The following PRH1 variants were observed in gnomAD, a reference collection of about 807,000 sequenced individuals.
PRH1 encodes the protein proline rich protein HaeIII subfamily 1.
Under a neutral mutation model 7.9 loss-of-function variants are expected in PRH1, and 7 were observed. The ratio of observed to expected loss-of-function variants is 0.89; its 90% CI spans 0.50 to 1.67. The LOEUF (loss-of-function observed/expected upper bound fraction) is 1.67, where lower values mean the gene tolerates loss of function less well. PRH1 is among the 40% of genes most tolerant of loss of function. The probability of loss-of-function intolerance (pLI) is 0.00; values close to 1 mark genes in which losing one functional copy is unlikely to be tolerated. For missense variants in PRH1, 109 were observed against 223.6 expected, an observed-to-expected ratio of 0.49 and a Z score of 3.27; for synonymous variants, 45 against 80.8, an observed-to-expected ratio of 0.56 and a Z score of 2.38.
Position 11,003,995 on chromosome 12 carries a change from G to A in PRH1, c.-125-30274C>T, listed in dbSNP as rs188060869. ...TCAACTTTAGCTATTAAAACTCAGC[G>A]ATATATACTTGTATATGTATTCTGA... On this transcript the variant is annotated intron_variant, in intron 1 of 3. Coordinates refer to the PRH1 transcript ENST00000539853. Among the ~76,000 whole-genome samples the A allele has an allele frequency of 4.6e-5, 7 of 152,126 alleles. 1 individual carries two copies. The Middle Eastern group carries it at 0.014, about 296-fold the overall frequency.
At chr12:10,888,007 C>A (rs757943356), upstream of PRH1, among the ~76,000 whole-genome samples, 1 of 152,168 alleles carries the variant, frequency 6.6e-6, no homozygotes, top group African/African-American at 2.4e-5. Flanking sequence ...ATAGGTCTTA[C>A]TCAGTTAGAT....
At chr12:10,993,154 T>G (rs1202321324) in intron 1 of PRH1, among the ~76,000 whole-genome samples, 1 of 152,232 alleles carries the variant, frequency 6.6e-6, no homozygotes, top group African/African-American at 2.4e-5. Flanking sequence ...ATGTGGTACC[T>G]TCACTGAGAA....
At chr12:10,906,407 C>T (rs1343854056) in intron 2 of PRH1, among the ~76,000 whole-genome samples, 1 of 152,126 alleles carries the variant, frequency 6.6e-6, no homozygotes, top group African/African-American at 2.4e-5. Context: ...CTTTGAAAGA[C>T]ACTGTAAAGA....
intron 2 of PRH1, chr12:10,938,225 T>A (rs756562757): frequency 4.2e-6 from 6 of 1,425,982 alleles, no homozygotes; most frequent in Non-Finnish European, 5.7e-6. Context: ...TACAAGAATT[T>A]CTTAGGAGCT....
intron 1 of PRH1, among the ~76,000 whole-genome samples, chr12:11,070,775 TGG>T (rs1458447522): frequency 4.0e-5 from 6 of 151,850 alleles, no homozygotes; most frequent in African/African-American, 1.5e-4. Context: ...AAAGACACTG[TGG>T]TCCATGAGAT....
intron 1 of PRH1, among the ~76,000 whole-genome samples, chr12:11,035,397 T>A (rs1392224685): frequency 6.6e-6 from 1 of 152,184 alleles, no homozygotes; most frequent in African/African-American, 2.4e-5. Flanking sequence ...ATTCACTAAT[T>A]CTTTCTTATG....
intron 1 of PRH1, chr12:11,092,374 C>A: frequency 2.1e-6 from 1 of 477,576 alleles, no homozygotes; most frequent in Non-Finnish European, 3.8e-6. Flanking sequence ...ATGGTGTGGA[C>A]CCAAAGAGTG....
chr12:10,923,075 G>A (rs1242191634), intron 2 of PRH1, among the ~76,000 whole-genome samples: 4 of 149,430 alleles, frequency 2.7e-5, no homozygotes, highest in South Asian at 2.1e-4. Context: ...TGATCCACCC[G>A]CCTCGGCCTC....
At chr12:10,918,201 C>T (rs1366952159) in intron 2 of PRH1, among the ~76,000 whole-genome samples, 1 of 152,020 alleles carries the variant, frequency 6.6e-6, no homozygotes, top group Non-Finnish European at 1.5e-5. Context: ...AGGGGAACAA[C>T]ACTTAGCGGG....
intron 1 of PRH1, among the ~76,000 whole-genome samples, chr12:11,127,828 C>T (rs867849301): frequency 1.7e-5 from 2 of 115,734 alleles, no homozygotes; most frequent in Admixed American, 9.0e-5. Context: ...CTATTTTGGC[C>T]GGACACGGTG....
rs1441627320 is a variant in PRH1, at chr12:11,074,121, C to T, written n.124-26933G>A. Among the ~76,000 whole-genome samples, 4 of 148,562 alleles carry T rather than the reference C, an allele frequency of 2.7e-5. 1 individual carries two copies. Among genetic ancestry groups the T allele is most frequent in the Non-Finnish European group, 6.0e-5 (4 of 66,752 alleles). On this transcript the variant is annotated intron_variant and non_coding_transcript_variant, in intron 1 of 4. Coordinates refer to the PRH1 transcript ENST00000541977. ...TCCCATGGTCAGCACCTTGCCTGAT[C>T]CAGATCACCTTTCCATCTGGGACTT...
intron 1 of PRH1, among the ~76,000 whole-genome samples, chr12:11,024,870 T>G (rs1941830917): frequency 6.6e-6 from 1 of 152,262 alleles, no homozygotes; most frequent in Non-Finnish European, 1.5e-5. Flanking sequence ...AAACACAGTT[T>G]GACTAAATTT....
At chr12:10,955,238 G>C (rs1439545026) in intron 2 of PRH1, among the ~76,000 whole-genome samples, 4 of 151,738 alleles carry the variant, frequency 2.6e-5, no homozygotes, top group African/African-American at 9.7e-5. Flanking sequence ...CCACATTCTT[G>C]GACCACAGCA....
chr12:11,070,154 G>A (rs535802720), intron 1 of PRH1, among the ~76,000 whole-genome samples: 40 of 125,626 alleles, frequency 3.2e-4, no homozygotes, highest in African/African-American at 1.0e-3. Context: ...GGTCACAGGC[G>A]CCAGGGAGAG....
rs149277496 is a variant in PRH1 at position 10,980,380 on chromosome 12, C to A, written c.-125-6659G>T. On this transcript the variant is annotated intron_variant, in intron 1 of 3. Transcript: ENST00000539853. ...TATCAATCTATCAATATTTACATTG[C>A]TATTTTAAATAAAACTAAATTAGAT... 2.0e-5 allele frequency among the ~76,000 whole-genome samples: 3 copies of A among 152,008 alleles called. No homozygotes were observed. In the East Asian group the frequency reaches 5.8e-4, roughly 29 times the overall value.
At chr12:10,967,254 T>A (rs1207791367) in intron 2 of PRH1, among the ~76,000 whole-genome samples, 1 of 152,102 alleles carries the variant, frequency 6.6e-6, no homozygotes, top group Non-Finnish European at 1.5e-5. Context: ...TGTAAAGATA[T>A]ATAAATGGTG....
At chr12:11,099,111 T>A (rs1243065878) in intron 1 of PRH1, among the ~76,000 whole-genome samples, 1 of 152,210 alleles carries the variant, frequency 6.6e-6, no homozygotes, top group East Asian at 1.9e-4. Context: ...TATATCATCT[T>A]GCAGTATCCT....
At chr12:10,923,990 GTTT>G (rs35612831) in intron 2 of PRH1, among the ~76,000 whole-genome samples, 1 of 89,490 alleles carries the variant, frequency 1.1e-5, no homozygotes, top group East Asian at 3.7e-4. Flanking sequence ...TTCTCCATCT[GTTT>G]TTTTTTTTTT....
chr12:10,936,485 T>C (rs556846729), intron 2 of PRH1, among the ~76,000 whole-genome samples: 4 of 152,266 alleles, frequency 2.6e-5, no homozygotes, highest in African/African-American at 9.6e-5. Flanking sequence ...ACTCATCACA[T>C]GTGAAACCAT....
Sources: gnomAD v4.1 joint callset for allele counts (sites outside exome capture counted in the v4.1 genomes callset) on GRCh38, gnomAD v4.1.1 for gene constraint, MANE v1.5 for transcripts, NCBI Gene and HGNC (gene_info 2026-07-23, HGNC 2026-07-21) for gene names.